Variants in PCDH15 observed in about 807,000 individuals in gnomAD.
PCDH15 encodes protocadherin-15.
A neutral mutation model predicts 178.5 loss-of-function variants in PCDH15; 129 were observed. The observed-to-expected ratio is 0.72, with a 90% CI of 0.63 to 0.84. The LOEUF is 0.84. Among genes scored for constraint, PCDH15 ranks in the 40% least tolerant of loss-of-function variants. The pLI is 0.00. For synonymous variants in PCDH15, 800 were observed against 732.0 expected (o/e 1.09, Z -1.50); for missense variants, 2,230 against 2,099.9 (o/e 1.06, Z -1.21).
At chr10:55,385,693 CTATA>C (rs57143868) in intron 2 of PCDH15, among the ~76,000 whole-genome samples, 39 of 128,734 alleles carry the variant, frequency 3.0e-4, no homozygotes, top group South Asian at 2.4e-3. Flanking sequence ...CTTCCTCTGC[CTATA>C]TATATATATA....
At chr10:54,039,689 A>G (rs1565095911) in intron 18 of PCDH15, among the ~76,000 whole-genome samples, 1 of 151,934 alleles carries the variant, frequency 6.6e-6, no homozygotes, top group Non-Finnish European at 1.5e-5. Flanking sequence ...AAACCATCCA[A>G]CATCTGTACT....
chr10:55,623,126 C>A (rs1441968961), intron 2 of PCDH15, among the ~76,000 whole-genome samples: 2 of 151,960 alleles, frequency 1.3e-5, no homozygotes, highest in Non-Finnish European at 2.9e-5. Flanking sequence ...TATTTTTTAA[C>A]GTTAATGTCC....
intron 2 of PCDH15, among the ~76,000 whole-genome samples, chr10:55,097,426 A>T (rs1279426901): frequency 6.6e-6 from 1 of 152,134 alleles, no homozygotes; most frequent in African/African-American, 2.4e-5. Context: ...ATTCAATAAC[A>T]TTGAACCATT....
intron 1 of PCDH15, among the ~76,000 whole-genome samples, chr10:55,242,237 T>C (rs1841563079): frequency 6.6e-6 from 1 of 152,132 alleles, no homozygotes; most frequent in Admixed American, 6.6e-5. Flanking sequence ...TGCAAGCATA[T>C]ATCAGCTTGA....
intron 2 of PCDH15, among the ~76,000 whole-genome samples, chr10:55,015,510 T>A (rs1247963398): frequency 2.6e-5 from 4 of 152,130 alleles, no homozygotes; most frequent in Non-Finnish European, 4.4e-5. Context: ...GGAAGTCCAG[T>A]CAAAAATAAG....
chr10:55,187,207 A>G (rs1380963374), intron 1 of PCDH15, among the ~76,000 whole-genome samples: 1 of 151,960 alleles, frequency 6.6e-6, no homozygotes, highest in African/African-American at 2.4e-5. Context: ...GAGCTTTAAA[A>G]ATCCTTTTGA....
intron 25 of PCDH15, among the ~76,000 whole-genome samples, chr10:53,914,696 T>C (rs2083401432): frequency 6.6e-6 from 1 of 152,050 alleles, no homozygotes; most frequent in African/African-American, 2.4e-5. Flanking sequence ...CAAACCAACA[T>C]GGCACATGTA....
intron 2 of PCDH15, among the ~76,000 whole-genome samples, chr10:55,389,426 T>G (rs1456320643): frequency 6.6e-6 from 1 of 152,156 alleles, no homozygotes; most frequent in South Asian, 2.1e-4. Flanking sequence ...AGTTTCACCA[T>G]CTAAACTTTT....
At chr10:54,538,378 A>G (rs1456260338) in intron 2 of PCDH15, among the ~76,000 whole-genome samples, 1 of 152,114 alleles carries the variant, frequency 6.6e-6, no homozygotes, top group Non-Finnish European at 1.5e-5. Flanking sequence ...TACTTTCCCC[A>G]TTCCTTATTT....
chr10:55,111,634 G>T (rs1456431697), intron 2 of PCDH15, among the ~76,000 whole-genome samples: 1 of 152,018 alleles, frequency 6.6e-6, no homozygotes, highest in Non-Finnish European at 1.5e-5. Flanking sequence ...ACCTGAGGTG[G>T]GGAGTTCAAG....
In PCDH15 at chr10:54,754,942, C is replaced by CTTCCTTTTTTTTTTTTTTTTTTT. The variant is rs775058954; in HGVS notation, c.-29+45982_-29+45983insAAAAAAAAAAAAAAAAAAAGGAA. The stretch of plus-strand genomic sequence containing the variant: ...TTTTTCACACTTAGAGTTTTTCTTT[C>CTTCCTTTTTTTTTTTTTTTTTTT]TTTTTTTTTTTTTTTTTTTTTTTTG... On this transcript the variant is annotated intron_variant, in intron 1 of 37. Coordinates refer to ENST00000644397, the MANE Select transcript of PCDH15 (RefSeq NM_001384140.1). Among the ~76,000 whole-genome samples the CTTCCTTTTTTTTTTTTTTTTTTT allele has an allele frequency of 5.9e-5, 2 of 33,858 alleles. 1 individual carries two copies. 22.2% of individuals were successfully genotyped at this position (33,858 alleles called of 152,430 possible).
intron 3 of PCDH15, among the ~76,000 whole-genome samples, chr10:54,467,759 G>A (rs976061892): frequency 2.6e-5 from 4 of 151,442 alleles, no homozygotes; most frequent in East Asian, 1.9e-4. Context: ...GATCTTCTTC[G>A]TAAATTTGGT....
chr10:54,968,452 C>A (rs199723256), intron 2 of PCDH15, among the ~76,000 whole-genome samples: 1 of 118,754 alleles, frequency 8.4e-6, no homozygotes, highest in South Asian at 2.7e-4. Flanking sequence ...TTTTTTTTTT[C>A]TTTTCAGGAT....
chr10:53,929,719 T>C (rs2133965049), intron 25 of PCDH15, among the ~76,000 whole-genome samples: 1 of 152,296 alleles, frequency 6.6e-6, no homozygotes, highest in South Asian at 2.1e-4. Flanking sequence ...ATGAAATCAA[T>C]AGCATTTGAG....
chr10:54,040,529 C>T (rs868651246), intron 18 of PCDH15, among the ~76,000 whole-genome samples: 19 of 151,914 alleles, frequency 1.3e-4, no homozygotes, highest in Admixed American at 2.6e-4. Flanking sequence ...TTATCAGCAG[C>T]GTGAAAATGG....
intron 2 of PCDH15, among the ~76,000 whole-genome samples, chr10:54,974,821 A>G (rs983970217): frequency 6.6e-6 from 1 of 152,200 alleles, no homozygotes; most frequent in Non-Finnish European, 1.5e-5. Context: ...TAATGCATAT[A>G]GAAAGTAGAC....
At chr10:55,119,670 G>C (rs1476238303) in intron 2 of PCDH15, among the ~76,000 whole-genome samples, 1 of 152,148 alleles carries the variant, frequency 6.6e-6, no homozygotes, top group Non-Finnish European at 1.5e-5. Flanking sequence ...GATCTTATTT[G>C]ACAACACATA....
chr10:54,206,319 A>G (rs1434542258), intron 10 of PCDH15, among the ~76,000 whole-genome samples: 3 of 152,152 alleles, frequency 2.0e-5, no homozygotes, highest in East Asian at 3.8e-4. Context: ...ACTCTCACTT[A>G]TCACCGACAT....
intron 1 of PCDH15, among the ~76,000 whole-genome samples, chr10:55,292,538 C>T (rs1056972964): frequency 1.2e-4 from 19 of 152,086 alleles, no homozygotes; most frequent in Non-Finnish European, 2.1e-4. Flanking sequence ...CTCGCCACCA[C>T]GACCGGCTAA....
Sources: allele counts gnomAD v4.1 joint callset (sites outside exome capture counted in the v4.1 genomes callset), GRCh38; gene constraint gnomAD v4.1.1; transcripts MANE v1.5; gene names NCBI Gene and HGNC (gene_info 2026-07-23, HGNC 2026-07-21).